The following NPAS3 variants were observed in gnomAD, a reference collection of about 807,000 sequenced individuals.
The protein encoded by NPAS3 is neuronal PAS domain-containing protein 3.
A neutral mutation model predicts 73.1 loss-of-function variants in NPAS3; 14 were observed. That is an observed-to-expected ratio of 0.19 (90% CI 0.13 to 0.30). NPAS3 has a LOEUF of 0.30. Ranked by LOEUF, NPAS3 falls within the 10% of genes least tolerant of loss-of-function variation. The pLI is 1.00. For missense variants in NPAS3, 1,096 were observed against 1,250.0 expected, an observed-to-expected ratio of 0.88 and a Z score of 1.86; for synonymous variants, 620 against 541.5, an observed-to-expected ratio of 1.14 and a Z score of -2.01.
intron 3 of NPAS3, among the ~76,000 whole-genome samples, chr14:33,308,196 G>A (rs4555053): frequency 0.21 from 32,618 of 152,028 alleles, 4,198 homozygotes; most frequent in Middle Eastern, 0.34. Flanking sequence ...TACAGGAAAG[G>A]TCAGGGAAAT....
chr14:33,070,636 T>C (rs2041453458), intron 2 of NPAS3, among the ~76,000 whole-genome samples: 1 of 152,220 alleles, frequency 6.6e-6, no homozygotes, highest in Non-Finnish European at 1.5e-5. Context: ...GCACCATCAC[T>C]CATGATCATA....
At chr14:33,232,608 G>C (rs1010864188) in intron 3 of NPAS3, among the ~76,000 whole-genome samples, 6 of 152,048 alleles carry the variant, frequency 3.9e-5, no homozygotes, top group Admixed American at 3.3e-4. Context: ...TGATTAATGG[G>C]TGTTAAAACA....
intron 5 of NPAS3, among the ~76,000 whole-genome samples, chr14:33,640,736 T>G (rs1462493829): frequency 2.0e-5 from 3 of 152,200 alleles, no homozygotes; most frequent in Non-Finnish European, 4.4e-5. Context: ...GACAGGGAAA[T>G]AATCTGGAAA....
intron 1 of NPAS3, among the ~76,000 whole-genome samples, chr14:32,997,220 C>T (rs1566446377): frequency 1.3e-5 from 2 of 152,182 alleles, no homozygotes; most frequent in African/African-American, 2.4e-5. Context: ...GTGCCTGTAC[C>T]TCCATTGTTT....
chr14:33,748,329 C>T (rs1336648274), intron 7 of NPAS3, among the ~76,000 whole-genome samples: 1 of 152,024 alleles, frequency 6.6e-6, no homozygotes, highest in Non-Finnish European at 1.5e-5. Flanking sequence ...TTTTAAAAAG[C>T]CTATACTAAT....
chr14:32,991,949 A>G (rs1350977093), intron 1 of NPAS3, among the ~76,000 whole-genome samples: 5 of 152,206 alleles, frequency 3.3e-5, no homozygotes, highest in African/African-American at 1.2e-4. Flanking sequence ...CAGAATGCCA[A>G]ATTATTCGCT....
intron 4 of NPAS3, among the ~76,000 whole-genome samples, chr14:33,444,532 A>G (rs755533076): frequency 2.0e-5 from 3 of 152,226 alleles, no homozygotes; most frequent in Non-Finnish European, 4.4e-5. Context: ...ATGTCATTAT[A>G]AAGACATCTT....
In NPAS3 at chr14:33,702,771, G is replaced by A. The variant is rs2060556187; in HGVS notation, c.733+26386G>A. Among the ~76,000 whole-genome samples the A allele has an allele frequency of 4.6e-5, 7 of 152,146 alleles. 1 individual carries two copies. The South Asian group carries it at 1.5e-3, about 32-fold the overall frequency. On this transcript the variant is annotated intron_variant, in intron 6 of 11. Transcript: ENST00000356141. ...CTAACCCACATTAGACAAGGAGTGA[G>A]AATAGAATCAGCTCCCTGAATGGCA...
intron 4 of NPAS3, among the ~76,000 whole-genome samples, chr14:33,486,257 T>G (rs1213629875): frequency 5.9e-5 from 9 of 152,030 alleles, no homozygotes; most frequent in Admixed American, 5.2e-4. Flanking sequence ...TGTGATAACA[T>G]TTTCCACCTG....
At chr14:33,385,787 A>G (rs952289934) in intron 4 of NPAS3, among the ~76,000 whole-genome samples, 12 of 152,188 alleles carry the variant, frequency 7.9e-5, no homozygotes, top group African/African-American at 2.9e-4. Flanking sequence ...TGCTCGGGTT[A>G]TGTCACTAGT....
chr14:33,355,540 C>T (rs151103248), intron 3 of NPAS3, among the ~76,000 whole-genome samples: 3,108 of 152,222 alleles, frequency 0.02, 48 homozygotes, highest in South Asian at 0.038. Context: ...CCTCATGATC[C>T]GCCTGCCTCG....
At chr14:33,635,535 C>T (rs1433308666) in intron 5 of NPAS3, among the ~76,000 whole-genome samples, 1 of 152,194 alleles carries the variant, frequency 6.6e-6, no homozygotes, top group African/African-American at 2.4e-5. Context: ...GAGGCTCGAG[C>T]AGGGAGGGTC....
intron 2 of NPAS3, among the ~76,000 whole-genome samples, chr14:33,094,235 T>A (rs1194877178): frequency 1.3e-5 from 2 of 152,170 alleles, no homozygotes; most frequent in African/African-American, 4.8e-5. Context: ...TAAGGTTAAA[T>A]ATTCTCTGTT....
chr14:33,154,189 G>C (rs1291011036), intron 2 of NPAS3, among the ~76,000 whole-genome samples: 1 of 152,186 alleles, frequency 6.6e-6, no homozygotes, highest in South Asian at 2.1e-4. Flanking sequence ...TGCCAGAGCT[G>C]TTTCTAAAGC....
intron 4 of NPAS3, among the ~76,000 whole-genome samples, chr14:33,374,017 A>G (rs1367977633): frequency 6.6e-6 from 1 of 152,084 alleles, no homozygotes; most frequent in Non-Finnish European, 1.5e-5. Flanking sequence ...CAGGACACAA[A>G]TGTGTCCTGT....
chr14:33,573,182 A>G (rs1237892066), intron 5 of NPAS3, among the ~76,000 whole-genome samples: 1 of 152,084 alleles, frequency 6.6e-6, no homozygotes, highest in African/African-American at 2.4e-5. Flanking sequence ...TAATCAATAA[A>G]ACAGGTCCAA....
At chr14:33,240,708 G>C (rs2048186472) in intron 3 of NPAS3, among the ~76,000 whole-genome samples, 1 of 151,784 alleles carries the variant, frequency 6.6e-6, no homozygotes, top group South Asian at 2.1e-4. Flanking sequence ...ATTTTGAACT[G>C]TTTTACAGCT....
At chr14:33,053,531 G>A (rs1466999578) in intron 1 of NPAS3, among the ~76,000 whole-genome samples, 1 of 152,174 alleles carries the variant, frequency 6.6e-6, no homozygotes, top group African/African-American at 2.4e-5. Flanking sequence ...AGGCATATTT[G>A]AACTTTTTCC....
At chr14:33,098,497 C>CA (rs1415245332) in intron 2 of NPAS3, among the ~76,000 whole-genome samples, 3 of 152,074 alleles carry the variant, frequency 2.0e-5, no homozygotes, top group African/African-American at 7.2e-5. Flanking sequence ...TTTCAATACT[C>CA]AAAATGACAG....
Sources: gnomAD v4.1 joint callset for allele counts (sites outside exome capture counted in the v4.1 genomes callset) on GRCh38, gnomAD v4.1.1 for gene constraint, MANE v1.5 for transcripts, NCBI Gene and HGNC (gene_info 2026-07-23, HGNC 2026-07-21) for gene names.